EIF4G1: variants seen among roughly 807,000 people sequenced by gnomAD.
The protein encoded by EIF4G1 is EIF4-gamma.
A neutral mutation model predicts 187.8 loss-of-function variants in EIF4G1; 4 were observed. That is an observed-to-expected ratio of 0.02 (90% confidence interval 0.01 to 0.05). The LOEUF (loss-of-function observed/expected upper bound fraction) is 0.05, where lower values mean the gene tolerates loss of function less well. Ranked by LOEUF, EIF4G1 falls within the 10% of genes least tolerant of loss-of-function variation. The pLI is 1.00. For missense variants in EIF4G1, 1,647 were observed against 2,081.1 expected (o/e 0.79, Z 4.06); for synonymous variants, 844 against 781.4 (o/e 1.08, Z -1.34).
At position 184,320,944 on chromosome 3, in the gene EIF4G1, G is replaced by T; in HGVS notation, c.648G>T (p.Glu216Asp). 1.2e-6 allele frequency: 2 copies of T among 1,614,236 alleles called. No homozygotes were observed. Among genetic ancestry groups the T allele is most frequent in the Non-Finnish European group, 1.7e-6 (2 of 1,180,036 alleles). The stretch of plus-strand genomic sequence containing the variant: ...TCCTGCAGACGGGAGGCGGTCTGGA[G>T]CCTCAAGCTAATGGGGAGACGCCCC... ...PTPPQTGGGLEPQANGETPQV... is the reference protein window; with the variant it reads ...PTPPQTGGGLDPQANGETPQV... Residue 216 changes from glutamate (E) to aspartate (D), a missense_variant, in exon 9 of 33, where the codon GAG (glutamate) becomes GAT (aspartate). Glu to Asp is a conservative substitution (Grantham distance 45). Around this residue, in one of 11 missense-constraint regions of EIF4G1, gnomAD observed 522 missense variants for 485.2 expected, o/e 1.08. Transcript: ENST00000346169.
chr3:184,324,016 G>C (rs1724383327), intron 16 of EIF4G1, 39 bp downstream of exon 16: 1 of 1,612,496 alleles, frequency 6.2e-7, no homozygotes, highest in African/African-American at 1.3e-5. Context: ...TGGTCTGGTT[G>C]CCCATTCCTA....
At chr3:184,328,200 C>T in intron 26 of EIF4G1, 198 bp downstream of exon 26, 1 of 627,996 alleles carries the variant, frequency 1.6e-6, no homozygotes, top group South Asian at 1.8e-5. Flanking sequence ...AGTTCTAGAC[C>T]AGCCTGGCCA....
At chr3:184,333,277 T>C (rs1008944071) in intron 32 of EIF4G1, among the ~76,000 whole-genome samples, 1 of 152,264 alleles carries the variant, frequency 6.6e-6, no homozygotes, top group South Asian at 2.1e-4. Context: ...TGAGTTGTGG[T>C]CCTTGAGTAA....
chr3:184,328,223 CCT>C, intron 26 of EIF4G1: 1 of 572,704 alleles, frequency 1.7e-6, no homozygotes, highest in South Asian at 1.9e-5. Context: ...ATGGTGAAAC[CCT>C]GTCTCTACTA....
chr3:184,327,946 G>A lies in EIF4G1; in HGVS notation c.3897G>A (p.Gln1299=). 1.2e-6 allele frequency: 2 copies of A among 1,611,706 alleles called. No individual in the cohort carries two copies. Among genetic ancestry groups the A allele is most frequent in the African/African-American group, 1.3e-5 (1 of 75,048 alleles). The change falls in exon 26 of 33, where the codon CAG becomes CAA. Residue 1299 remains glutamine, a synonymous_variant. Transcript: ENST00000346169. ...CCATTGCTCGTGAGCATATGGGGCA[G>A]CTGCTGCACCAGCTGCTCTGTGCTG... ...RSAIAREHMG[Q]LLHQLLCAGH...
At position 184,328,946 on chromosome 3, in the gene EIF4G1, G is replaced by C. The variant is rs752163234; in HGVS notation, c.4117G>C (p.Ala1373Pro). 3 of 1,614,198 alleles carry C rather than the reference G, an allele frequency of 1.9e-6. No homozygotes were observed. Among genetic ancestry groups the C allele is most frequent in the Non-Finnish European group, 2.5e-6 (3 of 1,180,040 alleles). ...TKPLRPLGKA[A>P]SLLLEILGLL... ...GCCTCTGAGACCGTTGGGCAAAGCTGCTTCCCTGTTGCTGGAGATCCTGGG... is the reference window on the plus strand; with the variant it reads ...GCCTCTGAGACCGTTGGGCAAAGCTCCTTCCCTGTTGCTGGAGATCCTGGG... The change falls in exon 28 of 33, where the codon GCT (alanine) becomes CCT (proline). Residue 1373 changes from alanine (A) to proline (P), a missense_variant. By Grantham distance (27) the Ala-to-Pro change is conservative. Transcript: ENST00000346169.
chr3:184,331,923 C>T (rs1726193619), intron 31 of EIF4G1, 23 bp from the exon 32 acceptor site: 1 of 1,613,996 alleles, frequency 6.2e-7, no homozygotes, highest in Non-Finnish European at 8.5e-7. Flanking sequence ...TATATTGCTC[C>T]ACTCATCCCT....
intron 8 of EIF4G1, 72 bp downstream of exon 8, chr3:184,320,794 C>T: frequency 6.2e-7 from 1 of 1,610,600 alleles, no homozygotes; most frequent in Non-Finnish European, 8.5e-7. Context: ...GTCCCTGGAT[C>T]TTTTCTTTCA....
intron 16 of EIF4G1, 24 bp from the exon 17 acceptor site, chr3:184,324,175 AGT>A: frequency 6.2e-7 from 1 of 1,614,212 alleles, no homozygotes; most frequent in Non-Finnish European, 8.5e-7. Flanking sequence ...ACTAGTCTTG[AGT>A]GTGACATTCT....
chr3:184,322,247 G>A (rs1277204350), intron 10 of EIF4G1, 115 bp from the exon 11 acceptor site: 6 of 1,527,038 alleles, frequency 3.9e-6, no homozygotes, highest in Non-Finnish European at 5.4e-6. Context: ...AGCCTAAAAA[G>A]GGTGATGCAA....
chr3:184,320,602 C>T (rs575303700), intron 7 of EIF4G1, 28 bp from the exon 8 acceptor site: 34 of 1,614,040 alleles, frequency 2.1e-5, no homozygotes, highest in Non-Finnish European at 2.7e-5. Flanking sequence ...TCCTGCTTCC[C>T]ACTCATCTTA....
In EIF4G1 at chr3:184,321,976, A is replaced by G; in HGVS notation, c.1392A>G (p.Glu464=). Residue 464 remains glutamate (E), a synonymous_variant, in exon 10 of 33, where the codon GAA becomes GAG. Coordinates refer to ENST00000346169, the MANE Select transcript of EIF4G1 (RefSeq NM_198241.3). Reference sequence around the variant, plus strand: ...AAATGGAAGAAGAAGAAGAAGAGGAAGAAGGAGAAGCAGGAGAAGCAGGAG... The same window carrying G: ...AAATGGAAGAAGAAGAAGAAGAGGAGGAAGGAGAAGCAGGAGAAGCAGGAG... ...EEEMEEEEEE[E]EGEAGEAGEA... 6.2e-7 allele frequency: 1 copy of G among 1,614,086 alleles called. No homozygotes were observed. Among genetic ancestry groups the G allele is most frequent in the South Asian group, 1.1e-5 (1 of 91,090 alleles).
intron 5 of EIF4G1, 68 bp downstream of exon 5, chr3:184,317,565 C>T (rs1723014079): frequency 6.3e-7 from 1 of 1,594,580 alleles, no homozygotes; most frequent in Admixed American, 1.7e-5. Flanking sequence ...CACCCTGACC[C>T]TCCAGTTCCA....
chr3:184,327,758 G>T (rs1212156920), intron 25 of EIF4G1, 54 bp downstream of exon 25: 3 of 1,613,330 alleles, frequency 1.9e-6, no homozygotes, highest in African/African-American at 1.3e-5. Flanking sequence ...GGATCATGCT[G>T]GCAGGCATAG....
rs1450963820 is a variant in EIF4G1, at chr3:184,327,328, G to C, written c.3541G>C (p.Ala1181Pro). ...CCGGCTTGATCGTGCGCGGACACCT[G>C]CTACCAAGCGGAGCTTCAGCAAGGA... ...GDRLDRARTP[A>P]TKRSFSKEVE... is the part of the protein sequence containing the mutation. The change falls in exon 24 of 33, where the codon GCT (alanine) becomes CCT (proline). Residue 1181 changes from alanine to proline, a missense_variant. Physicochemically the swap from Ala to Pro is conservative, Grantham distance 27. Around this residue, in one of 11 missense-constraint regions of EIF4G1, gnomAD observed 543 missense variants for 638.0 expected, o/e 0.85. Coordinates refer to ENST00000346169, the MANE Select transcript of EIF4G1 (RefSeq NM_198241.3). 6.2e-7 allele frequency: 1 copy of C among 1,613,722 alleles called. No individual in the cohort carries two copies. The highest frequency in any genetic ancestry group is 1.3e-5 in the African/African-American group (1 of 74,946).
intron 17 of EIF4G1, 91 bp from the exon 18 acceptor site, chr3:184,324,787 T>C: frequency 7.1e-7 from 1 of 1,412,990 alleles, no homozygotes; most frequent in Non-Finnish European, 9.9e-7. Flanking sequence ...GACTGAGTGC[T>C]TATTGCTAGG....
intron 1 of EIF4G1, chr3:184,315,137 G>C (rs960390259): frequency 2.9e-6 from 1 of 340,120 alleles, no homozygotes; most frequent in East Asian, 8.9e-5. Flanking sequence ...AGGAGCCCCC[G>C]GCCCCGCCCG....
In EIF4G1 at chr3:184,323,705, C is replaced by T; in HGVS notation, c.2275-75C>T. 1 of 1,610,260 alleles carries T rather than the reference C, an allele frequency of 6.2e-7. No homozygotes were observed. The highest frequency in any genetic ancestry group is 8.5e-7 in the Non-Finnish European group (1 of 1,178,430). On this transcript the variant is annotated intron_variant, in intron 15 of 32. Coordinates refer to ENST00000346169, the MANE Select transcript of EIF4G1 (RefSeq NM_198241.3). This position sits in a 1 kb window ranked among gnomAD's most constrained non-coding sequence, Gnocchi z 6.9. ...ACTAGCATCTGTCATGCCTAAGTCC[C>T]CACCACCCTCTCCTGTCCCTCCCAA...
chr3:184,327,984 C>G lies in EIF4G1; in HGVS notation c.3935C>G (p.Thr1312Ser). Residue 1312 changes from threonine to serine, a missense_variant, in exon 26 of 33, where the codon ACT (threonine) becomes AGT (serine). By Grantham distance (58) the Thr-to-Ser change is moderately conservative. Around this residue, in one of 11 missense-constraint regions of EIF4G1, gnomAD observed 543 missense variants for 638.0 expected, o/e 0.85. Coordinates refer to ENST00000346169, the MANE Select transcript of EIF4G1 (RefSeq NM_198241.3). ...HQLLCAGHLS[T>S]AQYYQGLYEI... is the part of the protein sequence containing the mutation. Reference sequence around the variant, plus strand: ...CTGCTCTGTGCTGGGCATCTGTCTACTGCTCAGTACTACCAAGGGTATGAC... The same window carrying G: ...CTGCTCTGTGCTGGGCATCTGTCTAGTGCTCAGTACTACCAAGGGTATGAC... 6.2e-7 allele frequency: 1 copy of G among 1,606,788 alleles called. No individual in the cohort carries two copies. Among genetic ancestry groups the G allele is most frequent in the Non-Finnish European group, 8.5e-7 (1 of 1,179,996 alleles).
Sources: allele counts gnomAD v4.1 joint callset (sites outside exome capture counted in the v4.1 genomes callset), GRCh38; gene constraint gnomAD v4.1.1; regional missense constraint gnomAD v4.1.1; non-coding constraint Gnocchi (gnomAD v3.1); transcripts MANE v1.5; gene names NCBI Gene and HGNC (gene_info 2026-07-23, HGNC 2026-07-21).